The following PTPRQ variants were observed in gnomAD, a reference collection of about 807,000 sequenced individuals.
PTPRQ encodes the protein protein tyrosine phosphatase receptor type Q.
PTPRQ carries 199 observed loss-of-function variants against 246.0 expected under a neutral mutation model. That is an observed-to-expected ratio of 0.81 (90% CI 0.72 to 0.91). The LOEUF (loss-of-function observed/expected upper bound fraction) is 0.91. Among genes scored for constraint, PTPRQ ranks in the 40% least tolerant of loss-of-function variants. The pLI, the probability that PTPRQ is intolerant of heterozygous loss-of-function variation, is 0.00. For missense variants in PTPRQ, 2,624 were observed against 2,528.4 expected, an observed-to-expected ratio of 1.04 and a Z score of -0.81; for synonymous variants, 869 against 853.2, an observed-to-expected ratio of 1.02 and a Z score of -0.32.
chr12:80,449,513 A>G (rs1892674026), intron 3 of PTPRQ, among the ~76,000 whole-genome samples: 1 of 152,108 alleles, frequency 6.6e-6, no homozygotes, highest in Admixed American at 6.6e-5. Context: ...TTTTAGGTCT[A>G]ACATTTAAGT....
rs145064456 is a variant in PTPRQ at position 80,624,564 on chromosome 12, A to G, written c.5686+2430A>G. Among the ~76,000 whole-genome samples, 1,209 of 152,298 alleles carry G rather than the reference A, an allele frequency of 7.9e-3. 26 individuals are homozygous for G. The highest frequency in any genetic ancestry group is 0.028 in the African/African-American group (1,163 of 41,556). On this transcript the variant is annotated intron_variant, in intron 33 of 44. Coordinates refer to ENST00000644991, the MANE Select transcript of PTPRQ (RefSeq NM_001145026.2). ...GTTTGTAATCGTTAGTTGTAGTGAA[A>G]TGAGAATGCACCCCTGGAGCAGAAT...
At chr12:80,468,530 A>G (rs1167789045) in intron 6 of PTPRQ, among the ~76,000 whole-genome samples, 180 bp from the exon 7 acceptor site, 1 of 152,206 alleles carries the variant, frequency 6.6e-6, no homozygotes, top group Non-Finnish European at 1.5e-5. Flanking sequence ...ATGATCCAGC[A>G]TGTGTTATTC....
chr12:80,485,479 T>C (rs960370064), intron 9 of PTPRQ, among the ~76,000 whole-genome samples: 1 of 152,118 alleles, frequency 6.6e-6, no homozygotes. Flanking sequence ...GCTGTTATTT[T>C]CCCCCACACA....
chr12:80,468,710 T>C lies in PTPRQ; in HGVS notation c.911T>C (p.Val304Ala), dbSNP rs1893525625. The C allele has an allele frequency of 1.3e-6, 2 of 1,531,256 alleles. No homozygotes were observed. The highest frequency in any genetic ancestry group is 2.1e-5 in the Admixed American group (1 of 47,324). The allele number at this position is 1,531,256 out of a possible 1,614,324, so 94.9% of individuals were successfully genotyped here. ...TATTTATTTTCTATAATTATTTTAG[T>C]GCCTGAAGGACCACCACAAAACTGC... ...DSTIVRTPES[V>A]PEGPPQNCVT... The change falls in exon 7 of 45, where the codon GTG (valine) becomes GCG (alanine). Residue 304 changes from valine to alanine, a missense_variant and splice_region_variant. Coordinates refer to ENST00000644991, the MANE Select transcript of PTPRQ (RefSeq NM_001145026.2).
intron 33 of PTPRQ, among the ~76,000 whole-genome samples, chr12:80,623,501 C>G (rs773155724): frequency 2.3e-4 from 35 of 152,280 alleles, no homozygotes; most frequent in Non-Finnish European, 4.1e-4. Context: ...CTATCACACT[C>G]TGATGCCACC....
intron 17 of PTPRQ, among the ~76,000 whole-genome samples, chr12:80,524,744 A>G (rs1003127671): frequency 6.6e-6 from 1 of 152,164 alleles, no homozygotes; most frequent in Non-Finnish European, 1.5e-5. Context: ...AGAAAAGAAT[A>G]TTATCCCCAT....
chr12:80,476,403 G>A (rs1893812493), intron 8 of PTPRQ, among the ~76,000 whole-genome samples: 4 of 152,044 alleles, frequency 2.6e-5, no homozygotes, highest in Non-Finnish European at 4.4e-5. Flanking sequence ...TCCTTCCTCT[G>A]TCCTCAAGTG....
At chr12:80,653,235 T>C (rs1592761743) in intron 38 of PTPRQ, among the ~76,000 whole-genome samples, 3 of 152,152 alleles carry the variant, frequency 2.0e-5, no homozygotes, top group Non-Finnish European at 2.9e-5. Flanking sequence ...ATAAAAAAAA[T>C]GCATTGTAAA....
intron 8 of PTPRQ, among the ~76,000 whole-genome samples, chr12:80,476,257 C>T (rs1369102909): frequency 6.6e-6 from 1 of 152,100 alleles, no homozygotes; most frequent in Admixed American, 6.5e-5. Context: ...AGTTTCTCCA[C>T]CCTTGAAAAA....
intron 25 of PTPRQ, among the ~76,000 whole-genome samples, chr12:80,582,407 T>C (rs968685618): frequency 1.3e-5 from 2 of 152,156 alleles, no homozygotes; most frequent in South Asian, 2.1e-4. Context: ...TAGAATCATA[T>C]GTTGTAGTCC....
chr12:80,614,778 T>C (rs2121113449), intron 29 of PTPRQ, among the ~76,000 whole-genome samples: 1 of 147,818 alleles, frequency 6.8e-6, no homozygotes, highest in Admixed American at 6.7e-5. Context: ...AGTTTTCTTA[T>C]GTGAAAAATT....
intron 43 of PTPRQ, among the ~76,000 whole-genome samples, chr12:80,673,776 C>G (rs913592069): frequency 1.3e-5 from 2 of 152,048 alleles, no homozygotes; most frequent in African/African-American, 4.8e-5. Flanking sequence ...AGCACGCTAT[C>G]AACTATTAAC....
intron 8 of PTPRQ, among the ~76,000 whole-genome samples, chr12:80,481,255 C>T (rs1894042545): frequency 1.3e-5 from 2 of 152,136 alleles, no homozygotes; most frequent in Non-Finnish European, 2.9e-5. Flanking sequence ...AGCATATAAA[C>T]AGAACCAAAG....
At chr12:80,661,132 C>G (rs1592770275) in intron 39 of PTPRQ, among the ~76,000 whole-genome samples, 1 of 151,764 alleles carries the variant, frequency 6.6e-6, no homozygotes, top group South Asian at 2.1e-4. Context: ...ACATCATTTA[C>G]AAGGATTTGC....
At chr12:80,599,540 A>T (rs1403037076) in intron 26 of PTPRQ, among the ~76,000 whole-genome samples, 3 of 151,912 alleles carry the variant, frequency 2.0e-5, no homozygotes, top group Non-Finnish European at 4.4e-5. Context: ...TGTAGCTGAC[A>T]TTCATAAATG....
In PTPRQ at chr12:80,664,967, C is replaced by G. The variant is rs374506539; in HGVS notation, c.6193-4040C>G. Among the ~76,000 whole-genome samples the G allele has an allele frequency of 5.9e-5, 9 of 152,000 alleles. 1 individual carries two copies. The highest frequency in any genetic ancestry group is 2.2e-4 in the African/African-American group (9 of 41,490). On this transcript the variant is annotated intron_variant, in intron 39 of 44. Coordinates refer to ENST00000644991, the MANE Select transcript of PTPRQ (RefSeq NM_001145026.2). The stretch of plus-strand genomic sequence containing the variant: ...GTCAGGGTTCTCTAGAGGGACAGAA[C>G]TAACAGGATAGATGTATATATGAAG...
intron 23 of PTPRQ, among the ~76,000 whole-genome samples, chr12:80,543,747 C>A (rs1240683613): frequency 6.6e-6 from 1 of 152,048 alleles, no homozygotes; most frequent in African/African-American, 2.4e-5. Flanking sequence ...CAATGACTTT[C>A]TTTCTGGAAA....
rs1220215486 is a variant in PTPRQ at position 80,619,449 on chromosome 12, TCAA to T, written c.5303_5305del (p.Thr1768del). ...TGCCACAGGAAAACTGCTTGTGACT[TCAA>T]CAACAATTACAATCAGAATGCCAAT... On this transcript the variant is annotated inframe_deletion, in exon 31 of 45. Coordinates refer to ENST00000644991, the MANE Select transcript of PTPRQ (RefSeq NM_001145026.2). 6.5e-7 allele frequency: 1 copy of T among 1,548,386 alleles called. No homozygotes were observed. Among genetic ancestry groups the T allele is most frequent in the Non-Finnish European group, 8.7e-7 (1 of 1,144,886 alleles).
At chr12:80,632,150 T>A in intron 33 of PTPRQ, 42 bp from the exon 34 acceptor site, 1 of 1,525,604 alleles carries the variant, frequency 6.6e-7, no homozygotes, top group Non-Finnish European at 8.8e-7. Context: ...AAAATAAGAT[T>A]CCATAATAAT....
Sources: allele counts gnomAD v4.1 joint callset (sites outside exome capture counted in the v4.1 genomes callset), GRCh38; gene constraint gnomAD v4.1.1; transcripts MANE v1.5; gene names NCBI Gene and HGNC (gene_info 2026-07-23, HGNC 2026-07-21).